The following DOK6 variants were observed in gnomAD, a reference collection of about 807,000 sequenced individuals.
DOK6 encodes the protein downstream of tyrosine kinase 6.
DOK6 carries 22 observed loss-of-function variants against 44.0 expected under a neutral mutation model. The observed-to-expected ratio is 0.50, with a 90% CI of 0.36 to 0.71. The LOEUF (loss-of-function observed/expected upper bound fraction) is 0.71. DOK6 is among the 30% of genes least tolerant of loss of function. The pLI, the probability that DOK6 is intolerant of heterozygous loss-of-function variation, is 0.00. For missense variants in DOK6, 340 were observed against 416.4 expected (o/e 0.82, Z 1.60); for synonymous variants, 166 against 145.5 (o/e 1.14, Z -1.01).
chr18:69,581,549 C>T (rs185897808), intron 2 of DOK6, among the ~76,000 whole-genome samples: 21 of 152,170 alleles, frequency 1.4e-4, no homozygotes, highest in African/African-American at 4.3e-4. Flanking sequence ...TCCACATTTC[C>T]CTCATGGACT....
At chr18:69,571,975 G>T (rs924979119) in intron 2 of DOK6, among the ~76,000 whole-genome samples, 1 of 151,960 alleles carries the variant, frequency 6.6e-6, no homozygotes, top group African/African-American at 2.4e-5. Context: ...AGTAGACCAC[G>T]TTCAAGAATA....
At chr18:69,814,398 G>C (rs961450155) in intron 7 of DOK6, among the ~76,000 whole-genome samples, 1 of 152,110 alleles carries the variant, frequency 6.6e-6, no homozygotes, top group Non-Finnish European at 1.5e-5. Flanking sequence ...CAGGTGGATA[G>C]ATGGTCCCAT....
At chr18:69,423,645 T>C (rs995644498) in intron 1 of DOK6, among the ~76,000 whole-genome samples, 1 of 152,234 alleles carries the variant, frequency 6.6e-6, no homozygotes, top group African/African-American at 2.4e-5. Context: ...TTCACTTTAC[T>C]AGATGTTTTC....
At chr18:69,405,981 A>G (rs1361155726) in intron 1 of DOK6, among the ~76,000 whole-genome samples, 2 of 152,210 alleles carry the variant, frequency 1.3e-5, no homozygotes, top group Non-Finnish European at 2.9e-5. Context: ...GATCTGTGGT[A>G]TCTATGTTTA....
chr18:69,472,759 A>T (rs566083279), intron 1 of DOK6, among the ~76,000 whole-genome samples: 1 of 152,254 alleles, frequency 6.6e-6, no homozygotes, highest in Non-Finnish European at 1.5e-5. Flanking sequence ...CACACACGGG[A>T]TCTCATTATT....
chr18:69,671,371 T>A (rs1985794917), intron 3 of DOK6, among the ~76,000 whole-genome samples: 1 of 152,358 alleles, frequency 6.6e-6, no homozygotes, highest in South Asian at 2.1e-4. Context: ...CATGATTATC[T>A]GCATCAAAGA....
At chr18:69,408,772 G>A (rs1285996798) in intron 1 of DOK6, among the ~76,000 whole-genome samples, 15 of 152,098 alleles carry the variant, frequency 9.9e-5, no homozygotes, top group Non-Finnish European at 1.6e-4. Flanking sequence ...ACCACAGCAC[G>A]ATCTTAACTC....
At chr18:69,697,467 G>A (rs1986413691) in intron 4 of DOK6, among the ~76,000 whole-genome samples, 1 of 151,872 alleles carries the variant, frequency 6.6e-6, no homozygotes, top group Non-Finnish European at 1.5e-5. Context: ...AATTCATCAT[G>A]GCATAGATGT....
intron 3 of DOK6, among the ~76,000 whole-genome samples, chr18:69,631,421 A>T (rs1221323076): frequency 6.6e-6 from 1 of 152,074 alleles, no homozygotes; most frequent in African/African-American, 2.4e-5. Context: ...GGCCCAGGAG[A>T]CCTTCAGTGA....
rs1985863932 is a variant in DOK6 at position 69,673,913 on chromosome 18, A to G, written c.290-3821A>G. On this transcript the variant is annotated intron_variant, in intron 3 of 7. Transcript: ENST00000382713. ...CATAATGAAATTTAATTATTTACAC[A>G]TTATGTGTAGACTAAAAAGTTTGAA... 3.3e-5 allele frequency among the ~76,000 whole-genome samples: 5 copies of G among 152,336 alleles called. No individual in the cohort carries two copies. In the South Asian group the frequency reaches 1.0e-3, roughly 32 times the overall value.
chr18:69,766,413 T>C (rs903798001), intron 7 of DOK6, among the ~76,000 whole-genome samples: 5 of 152,210 alleles, frequency 3.3e-5, no homozygotes, highest in African/African-American at 1.2e-4. Context: ...AAATTGTTTA[T>C]TTAAAAAAGA....
At chr18:69,476,530 G>A (rs1980270129) in intron 1 of DOK6, among the ~76,000 whole-genome samples, 1 of 151,622 alleles carries the variant, frequency 6.6e-6, no homozygotes, top group African/African-American at 2.4e-5. Context: ...GATTAGAGAA[G>A]CCTTACTCTG....
At chr18:69,558,374 C>CA (rs1287594597) in intron 1 of DOK6, among the ~76,000 whole-genome samples, 1 of 152,114 alleles carries the variant, frequency 6.6e-6, no homozygotes, top group Non-Finnish European at 1.5e-5. Context: ...GCAAATTCTC[C>CA]ACTCCAGTGC....
At chr18:69,613,579 G>T (rs1018286108) in intron 3 of DOK6, among the ~76,000 whole-genome samples, 2 of 151,792 alleles carry the variant, frequency 1.3e-5, no homozygotes, top group African/African-American at 4.8e-5. Context: ...TCCTATGAGC[G>T]GTTCTATTGA....
In DOK6 at chr18:69,745,709, C is replaced by T. The variant is rs150743910; in HGVS notation, c.738+6606C>T. ...AGTTACGTTCTCTGTGCTTCAGTTACCTGTACTTAAAAGGTGTTGAGTGAA... is the reference window on the plus strand; with the variant it reads ...AGTTACGTTCTCTGTGCTTCAGTTATCTGTACTTAAAAGGTGTTGAGTGAA... On this transcript the variant is annotated intron_variant, in intron 6 of 7. Transcript: ENST00000382713. Among the ~76,000 whole-genome samples the T allele has an allele frequency of 3.2e-3, 487 of 152,274 alleles. 4 individuals are homozygous for T. Among genetic ancestry groups the T allele is most frequent in the Non-Finnish European group, 4.2e-3 (283 of 68,016 alleles).
In DOK6 at chr18:69,849,002, CTAA is replaced by C. The variant is rs1194249176; in HGVS notation, c.*7621_*7623del. ...ACAAAATTCTGACAATCATATTCTG[CTAA>C]TGTTTAAAATGTTACTTATTCCTTC... On this transcript the variant is annotated 3_prime_UTR_variant, in exon 8 of 8. Transcript: ENST00000382713. 2 of 152,084 alleles carry C rather than the reference CTAA, an allele frequency of 1.3e-5. No individual in the cohort carries two copies. The highest frequency in any genetic ancestry group is 2.9e-5 in the Non-Finnish European group (2 of 68,028). The allele number at this position is 152,084 out of a possible 1,614,324, so 9.4% of individuals were successfully genotyped here. A position where few individuals can be genotyped will look rare whatever the true frequency, so the allele number is the denominator to read the frequency against.
intron 4 of DOK6, among the ~76,000 whole-genome samples, chr18:69,681,586 T>C (rs1397811127): frequency 6.6e-6 from 1 of 152,192 alleles, no homozygotes; most frequent in African/African-American, 2.4e-5. Flanking sequence ...AAATGTGTTC[T>C]GATTTCAGAT....
At chr18:69,743,437 C>A (rs1399992008) in intron 6 of DOK6, among the ~76,000 whole-genome samples, 2 of 152,132 alleles carry the variant, frequency 1.3e-5, no homozygotes, top group Non-Finnish European at 2.9e-5. Context: ...ATCACAAATG[C>A]TCCCATGTGA....
At chr18:69,786,365 A>G (rs1980429471) in intron 7 of DOK6, among the ~76,000 whole-genome samples, 1 of 152,210 alleles carries the variant, frequency 6.6e-6, no homozygotes. Context: ...TTATTTTACA[A>G]GTCTGAGCTT....
Sources: allele counts gnomAD v4.1 joint callset (sites outside exome capture counted in the v4.1 genomes callset), GRCh38; gene constraint gnomAD v4.1.1; transcripts MANE v1.5; gene names NCBI Gene and HGNC (gene_info 2026-07-23, HGNC 2026-07-21).